The following SLC39A11 variants were observed in gnomAD, a reference collection of about 807,000 sequenced individuals.
SLC39A11 encodes the protein zinc transporter ZIP11.
SLC39A11 carries 33 observed loss-of-function variants against 36.1 expected under a neutral mutation model. The ratio of observed to expected loss-of-function variants is 0.91; its 90% CI spans 0.69 to 1.22. The LOEUF is 1.22. Ranked by LOEUF, SLC39A11 falls within the 50% of genes most tolerant of loss-of-function variation. The pLI is 0.00. For synonymous variants in SLC39A11, 166 were observed against 170.3 expected (o/e 0.97, Z 0.20); for missense variants, 432 against 430.3 (o/e 1.00, Z -0.03).
At chr17:72,718,482 T>C (rs958657163) in intron 7 of SLC39A11, among the ~76,000 whole-genome samples, 1 of 152,190 alleles carries the variant, frequency 6.6e-6, no homozygotes, top group Non-Finnish European at 1.5e-5. Context: ...CTATAGTCAA[T>C]GTTCAAAGGA....
intron 6 of SLC39A11, among the ~76,000 whole-genome samples, chr17:72,759,575 G>A (rs1010588539): frequency 6.6e-6 from 1 of 152,054 alleles, no homozygotes; most frequent in Non-Finnish European, 1.5e-5. Context: ...CTACTCAGTG[G>A]GTATAAATTA....
intron 3 of SLC39A11, among the ~76,000 whole-genome samples, chr17:73,053,834 A>G (rs1462618653): frequency 1.3e-5 from 2 of 152,234 alleles, no homozygotes; most frequent in Non-Finnish European, 2.9e-5. Context: ...GATGTTCATC[A>G]TAATTAAAAC....
intron 6 of SLC39A11, among the ~76,000 whole-genome samples, chr17:72,754,167 CTA>C: frequency 6.6e-6 from 1 of 151,390 alleles, no homozygotes; most frequent in African/African-American, 2.4e-5. Context: ...CGATTGGAGA[CTA>C]TTATTCTAAG....
At chr17:73,090,433 T>C (rs11869268) in intron 1 of SLC39A11, among the ~76,000 whole-genome samples, 18,247 of 152,236 alleles carry the variant, frequency 0.12, 1,442 homozygotes, top group Non-Finnish European at 0.17. Flanking sequence ...ACTACTACCC[T>C]TTACATCCGT....
intron 7 of SLC39A11, among the ~76,000 whole-genome samples, chr17:72,681,450 T>C (rs1052961694): frequency 6.6e-6 from 1 of 152,090 alleles, no homozygotes; most frequent in African/African-American, 2.4e-5. Context: ...GAGGTGACAA[T>C]AGTCCAGGAG....
chr17:72,752,187 C>G (rs577467249), intron 6 of SLC39A11, among the ~76,000 whole-genome samples: 6 of 152,186 alleles, frequency 3.9e-5, no homozygotes, highest in Non-Finnish European at 8.8e-5. Flanking sequence ...TTCTCTGTGA[C>G]TTAATAGCTT....
At chr17:72,856,240 T>C (rs773019526) in intron 5 of SLC39A11, among the ~76,000 whole-genome samples, 14 of 152,222 alleles carry the variant, frequency 9.2e-5, no homozygotes, top group Non-Finnish European at 1.6e-4. Flanking sequence ...ATTTCTCATC[T>C]TGAAATAAGT....
chr17:73,020,778 G>T (rs1178466927), intron 4 of SLC39A11, among the ~76,000 whole-genome samples: 2 of 141,866 alleles, frequency 1.4e-5, no homozygotes, highest in Admixed American at 1.6e-4. Context: ...CGCCTCCTGG[G>T]TTCAAGCAAT....
rs549159395 is a variant in SLC39A11, at chr17:72,921,368, T to C, written c.430+26384A>G. On this transcript the variant is annotated intron_variant, in intron 5 of 9. Transcript: ENST00000255559. ...TGAGGGCAAGGAAAGTGAATGGGAC[T>C]AGTAGGGTGAACACTTGTCACAGAA... Among the ~76,000 whole-genome samples, 100 of 152,296 alleles carry C rather than the reference T, an allele frequency of 6.6e-4. 1 individual carries two copies. In the South Asian group the frequency reaches 0.02, roughly 30 times the overall value.
intron 4 of SLC39A11, among the ~76,000 whole-genome samples, chr17:73,011,000 C>T (rs938861494): frequency 1.1e-4 from 16 of 152,152 alleles, no homozygotes; most frequent in South Asian, 2.1e-4. Flanking sequence ...TACTCTGTGC[C>T]GGGCACTGTG....
intron 4 of SLC39A11, among the ~76,000 whole-genome samples, chr17:72,959,323 G>GTATATATATATATATATATA (rs766454318): frequency 2.5e-5 from 2 of 81,474 alleles, no homozygotes; most frequent in Non-Finnish European, 4.9e-5. Flanking sequence ...GTGTGTGTGT[G>GTATATATATATATATATATA]TGTATATATA....
rs1004403916 is a variant in SLC39A11, at chr17:72,775,705, A to G, written c.602-38986T>C. 3.3e-5 allele frequency among the ~76,000 whole-genome samples: 5 copies of G among 152,188 alleles called. No individual in the cohort carries two copies. The East Asian group carries it at 5.8e-4, about 18-fold the overall frequency. ...ACAAGAATCACCCAGGGCTATGCTCAAGGCCAGCCTCTGCCATAAGGCATG... is the reference window on the plus strand; with the variant it reads ...ACAAGAATCACCCAGGGCTATGCTCGAGGCCAGCCTCTGCCATAAGGCATG... On this transcript the variant is annotated intron_variant, in intron 6 of 9. Transcript: ENST00000255559.
chr17:72,779,276 T>C (rs1290711809), intron 6 of SLC39A11, among the ~76,000 whole-genome samples: 1 of 151,940 alleles, frequency 6.6e-6, no homozygotes, highest in African/African-American at 2.4e-5. Context: ...AAACCCCGTC[T>C]CTACTAAAAA....
chr17:72,765,520 T>C (rs1013496342), intron 6 of SLC39A11, among the ~76,000 whole-genome samples: 1 of 152,190 alleles, frequency 6.6e-6, no homozygotes, highest in Non-Finnish European at 1.5e-5. Flanking sequence ...ATAAATTGGC[T>C]TTATCTGGGC....
At chr17:72,663,664 C>T (rs534034309) in intron 7 of SLC39A11, among the ~76,000 whole-genome samples, 3 of 152,158 alleles carry the variant, frequency 2.0e-5, no homozygotes, top group South Asian at 4.1e-4. Context: ...TCATTTCCTG[C>T]GGACCTGGCA....
intron 7 of SLC39A11, among the ~76,000 whole-genome samples, chr17:72,657,897 G>A (rs1290921485): frequency 6.6e-6 from 1 of 152,200 alleles, no homozygotes. Context: ...CCTCTAGAGA[G>A]CCAGCTTCCC....
At position 72,903,284 on chromosome 17, in the gene SLC39A11, A is replaced by AG. The variant is rs199820401; in HGVS notation, c.430+44467_430+44468insC. Among the ~76,000 whole-genome samples, 293 of 151,658 alleles carry AG rather than the reference A, an allele frequency of 1.9e-3. 2 individuals carry two copies. The highest frequency in any genetic ancestry group is 0.012 in the East Asian group (61 of 5,154). ...CTGTCTCGAAAAGAAAAAAAAAAAAAAAAAAGAAATTCCATCAAAATAAAC... is the reference window on the plus strand; with the variant it reads ...CTGTCTCGAAAAGAAAAAAAAAAAAAGAAAAAGAAATTCCATCAAAATAAAC... On this transcript the variant is annotated intron_variant, in intron 5 of 9. Transcript: ENST00000255559.
intron 2 of SLC39A11, 38 bp from the exon 3 acceptor site, chr17:73,084,884 C>T (rs754403849): frequency 2.5e-6 from 4 of 1,608,964 alleles, no homozygotes; most frequent in Admixed American, 1.7e-5. Flanking sequence ...TTCCAAGAGA[C>T]AATAAGATGA....
At chr17:73,010,278 C>T (rs899845942) in intron 4 of SLC39A11, among the ~76,000 whole-genome samples, 8 of 152,136 alleles carry the variant, frequency 5.3e-5, no homozygotes, top group East Asian at 1.9e-4. Flanking sequence ...ACCCTTTCTC[C>T]CTTTTCATCT....
Sources: allele counts gnomAD v4.1 joint callset (sites outside exome capture counted in the v4.1 genomes callset), GRCh38; gene constraint gnomAD v4.1.1; transcripts MANE v1.5; gene names NCBI Gene and HGNC (gene_info 2026-07-23, HGNC 2026-07-21).